Variants in DENND1A observed in about 807,000 individuals in gnomAD.
DENND1A encodes the protein DENN domain containing 1A.
A neutral mutation model predicts 113.7 loss-of-function variants in DENND1A; 51 were observed. The observed-to-expected ratio is 0.45, with a 90% CI of 0.36 to 0.57. The LOEUF is 0.57. Ranked by LOEUF, DENND1A falls within the 20% of genes least tolerant of loss-of-function variation. The pLI, the probability that DENND1A is intolerant of heterozygous loss-of-function variation, is 0.00. For missense variants in DENND1A, 1,258 were observed against 1,395.9 expected (o/e 0.90, Z 1.57); for synonymous variants, 565 against 570.8 (o/e 0.99, Z 0.14).
intron 2 of DENND1A, chr9:123,843,389 T>C (rs984355205): frequency 2.9e-6 from 1 of 342,812 alleles, no homozygotes; most frequent in Non-Finnish European, 5.8e-6. Flanking sequence ...TCATTTTGTC[T>C]ACTTTTACCA....
rs184529190 is a variant in DENND1A at position 123,896,077 on chromosome 9, A to G, written c.18-17056T>C. The stretch of plus-strand genomic sequence containing the variant: ...ACATCTGTAATTCTAGCACTTGGGT[A>G]AGCTGAGCCCAGGAATATGAGACCA... On this transcript the variant is annotated intron_variant, in intron 1 of 23. Coordinates refer to ENST00000394215, the MANE Select transcript of DENND1A (RefSeq NM_001352964.2). 5.3e-5 allele frequency among the ~76,000 whole-genome samples: 8 copies of G among 152,250 alleles called. No homozygotes were observed. The East Asian group carries it at 1.5e-3, about 29-fold the overall frequency.
At chr9:123,448,787 C>T (rs192320157) in intron 18 of DENND1A, among the ~76,000 whole-genome samples, 9 of 152,338 alleles carry the variant, frequency 5.9e-5, no homozygotes, top group African/African-American at 2.2e-4. Context: ...AATTTAAATG[C>T]TTAGTCAGAG....
At chr9:123,770,198 TATC>T (rs1829504235) in intron 3 of DENND1A, among the ~76,000 whole-genome samples, 2 of 152,224 alleles carry the variant, frequency 1.3e-5, no homozygotes, top group Non-Finnish European at 1.5e-5. Context: ...CTTATTGAAA[TATC>T]ACCATATTTG....
At chr9:123,605,637 C>A (rs1005482125) in intron 11 of DENND1A, among the ~76,000 whole-genome samples, 1 of 152,216 alleles carries the variant, frequency 6.6e-6, no homozygotes, top group Non-Finnish European at 1.5e-5. Flanking sequence ...CAGGTATACA[C>A]TTGTCACTTT....
chr9:123,688,349 A>C (rs530989740), intron 5 of DENND1A, among the ~76,000 whole-genome samples: 8 of 152,230 alleles, frequency 5.3e-5, no homozygotes, highest in African/African-American at 1.9e-4. Flanking sequence ...AGCTGTTGTC[A>C]AAATGAGATA....
At chr9:123,605,319 T>C (rs1028228472) in intron 11 of DENND1A, among the ~76,000 whole-genome samples, 4 of 152,160 alleles carry the variant, frequency 2.6e-5, no homozygotes, top group Non-Finnish European at 5.9e-5. Context: ...AAGGTCTTCA[T>C]TTATCAAACA....
chr9:123,876,655 A>G (rs576798399), intron 2 of DENND1A, among the ~76,000 whole-genome samples: 1 of 152,358 alleles, frequency 6.6e-6, no homozygotes, highest in East Asian at 1.9e-4. Flanking sequence ...GAGCATACGC[A>G]CTGGACTGTC....
intron 5 of DENND1A, chr9:123,751,875 T>C (rs981925349): frequency 6.6e-6 from 1 of 152,228 alleles, no homozygotes; most frequent in African/African-American, 2.4e-5. Flanking sequence ...ATTCTCAAGT[T>C]AGAGATGGGC....
chr9:123,572,479 C>G (rs1363939545), intron 12 of DENND1A, among the ~76,000 whole-genome samples: 2 of 152,132 alleles, frequency 1.3e-5, no homozygotes, highest in Admixed American at 6.5e-5. Context: ...TTAAAATATA[C>G]ATCTATAAGA....
chr9:123,634,228 C>CA (rs1428525814), intron 9 of DENND1A, among the ~76,000 whole-genome samples: 13 of 152,114 alleles, frequency 8.5e-5, no homozygotes, highest in South Asian at 4.1e-4. Context: ...CACAAAAAAA[C>CA]AAAAAATCAA....
intron 13 of DENND1A, among the ~76,000 whole-genome samples, chr9:123,464,656 T>C (rs956003793): frequency 8.5e-5 from 13 of 152,104 alleles, no homozygotes; most frequent in African/African-American, 2.9e-4. Context: ...GATGGAACAA[T>C]GTGAATATAC....
At chr9:123,479,132 T>C (rs1027974225) in intron 13 of DENND1A, among the ~76,000 whole-genome samples, 1 of 152,188 alleles carries the variant, frequency 6.6e-6, no homozygotes, top group African/African-American at 2.4e-5. Flanking sequence ...TTCACAGATC[T>C]GGAAATAATG....
intron 11 of DENND1A, among the ~76,000 whole-genome samples, chr9:123,589,648 A>G (rs1017935134): frequency 3.3e-4 from 28 of 85,718 alleles, no homozygotes; most frequent in Non-Finnish European, 5.7e-4. Context: ...TCTCAGAATG[A>G]AAAAAAAAAA....
intron 13 of DENND1A, among the ~76,000 whole-genome samples, chr9:123,493,724 A>G (rs555410901): frequency 6.6e-6 from 1 of 152,292 alleles, no homozygotes; most frequent in South Asian, 2.1e-4. Context: ...GGTACCGAAG[A>G]ATAGCCCGAG....
At chr9:123,761,467 A>G (rs1310443442) in intron 4 of DENND1A, among the ~76,000 whole-genome samples, 2 of 152,204 alleles carry the variant, frequency 1.3e-5, no homozygotes, top group East Asian at 1.9e-4. Flanking sequence ...CAGCTTTATA[A>G]TATCTGTGAG....
chr9:123,923,950 A>G (rs2134194389), intron 1 of DENND1A, among the ~76,000 whole-genome samples: 1 of 152,362 alleles, frequency 6.6e-6, no homozygotes, highest in East Asian at 1.9e-4. Context: ...CAAGCGAAAT[A>G]AAAACATATG....
chr9:123,560,689 C>CAAA (rs202038661), intron 12 of DENND1A, among the ~76,000 whole-genome samples: 4,242 of 110,600 alleles, frequency 0.038, 248 homozygotes, highest in African/African-American at 0.13. Flanking sequence ...GACCCTGTCT[C>CAAA]AAAAAAAAAA....
chr9:123,903,564 C>T (rs186611302), intron 1 of DENND1A, among the ~76,000 whole-genome samples: 66 of 152,162 alleles, frequency 4.3e-4, no homozygotes, highest in Non-Finnish European at 6.9e-4. Flanking sequence ...ACTTGGGAAG[C>T]GCAAGGGGTC....
At chr9:123,740,925 A>AGAGAGAGAGG in intron 5 of DENND1A, among the ~76,000 whole-genome samples, 1 of 147,602 alleles carries the variant, frequency 6.8e-6, no homozygotes, top group African/African-American at 2.6e-5. Context: ...AGAGAGAGAG[A>AGAGAGAGAGG]GAGAGAGAGA....
Sources: gnomAD v4.1 joint callset for allele counts (sites outside exome capture counted in the v4.1 genomes callset) on GRCh38, gnomAD v4.1.1 for gene constraint, MANE v1.5 for transcripts, NCBI Gene and HGNC (gene_info 2026-07-23, HGNC 2026-07-21) for gene names.